Variants in GOLM1 observed in about 807,000 individuals in gnomAD.
The protein encoded by GOLM1 is golgi membrane protein 1.
A neutral mutation model predicts 50.5 loss-of-function variants in GOLM1; 31 were observed. The ratio of observed to expected loss-of-function variants is 0.61; its 90% CI spans 0.46 to 0.83. The LOEUF is 0.83. Among genes scored for constraint, GOLM1 ranks in the 40% least tolerant of loss-of-function variants. The probability of loss-of-function intolerance (pLI) is 0.00; values close to 1 mark genes in which losing one functional copy is unlikely to be tolerated. For synonymous variants in GOLM1, 178 were observed against 192.8 expected (o/e 0.92, Z 0.64); for missense variants, 491 against 501.3 (o/e 0.98, Z 0.20).
At chr9:86,085,175 CT>C (rs1231182649) in intron 1 of GOLM1, 3 of 152,170 alleles carry the variant, frequency 2.0e-5, no homozygotes, top group Admixed American at 1.3e-4. Context: ...AGAAAACAAA[CT>C]TTTTAATGCC....
At chr9:86,031,158 C>T (rs1327256901) in intron 9 of GOLM1, among the ~76,000 whole-genome samples, 3 of 151,518 alleles carry the variant, frequency 2.0e-5, no homozygotes, top group East Asian at 2.0e-4. Flanking sequence ...TGCAGTGAGC[C>T]GAGATCGCAC....
At chr9:86,031,752 C>A (rs1280200537) in intron 9 of GOLM1, among the ~76,000 whole-genome samples, 1 of 151,742 alleles carries the variant, frequency 6.6e-6, no homozygotes, top group African/African-American at 2.4e-5. Context: ...TTAGCCACCA[C>A]GCCCAGCTGA....
At chr9:86,053,146 C>CA (rs1833827427) in intron 3 of GOLM1, among the ~76,000 whole-genome samples, 1 of 137,812 alleles carries the variant, frequency 7.3e-6, no homozygotes. Flanking sequence ...AAACCACACA[C>CA]CACTCCACAC....
At chr9:86,053,711 A>ATG (rs1833893926) in intron 3 of GOLM1, among the ~76,000 whole-genome samples, 1 of 52,460 alleles carries the variant, frequency 1.9e-5, no homozygotes, top group Admixed American at 2.2e-4. Flanking sequence ...CACATACCCC[A>ATG]CCGCATCACA....
In GOLM1 at chr9:86,099,446, G is replaced by A. The variant is rs1332116803; in HGVS notation, c.-57C>T. 2 of 151,504 alleles carry A rather than the reference G, an allele frequency of 1.3e-5. No individual in the cohort carries two copies. Among genetic ancestry groups the A allele is most frequent in the South Asian group, 4.2e-4 (2 of 4,816 alleles). The allele number at this position is 151,504 out of a possible 1,614,324, so 9.4% of individuals were successfully genotyped here. A position where few individuals can be genotyped will look rare whatever the true frequency, so the allele number is the denominator to read the frequency against. The stretch of plus-strand genomic sequence containing the variant: ...GGCTCCGGCCGCCACTCGGGGATCC[G>A]GGGCCCCGCTACGAGGCCGCCCGGG... On this transcript the variant is annotated 5_prime_UTR_variant, in exon 1 of 10. Transcript: ENST00000388712.
intron 1 of GOLM1, among the ~76,000 whole-genome samples, chr9:86,092,808 CAG>C (rs1425738384): frequency 6.6e-6 from 1 of 152,204 alleles, no homozygotes; most frequent in Non-Finnish European, 1.5e-5. Context: ...AACTCACAGG[CAG>C]AGTTTATGGT....
chr9:86,079,374 T>C (rs930262170), intron 1 of GOLM1, 33 bp from the exon 2 acceptor site: 9 of 1,509,816 alleles, frequency 6.0e-6, no homozygotes, highest in Non-Finnish European at 8.1e-6. Context: ...TAAACATCAA[T>C]ACTAGTTTTA....
At chr9:86,045,186 A>G (rs1833496151) in intron 5 of GOLM1, among the ~76,000 whole-genome samples, 1 of 150,812 alleles carries the variant, frequency 6.6e-6, no homozygotes, top group South Asian at 2.1e-4. Context: ...CTGACCAATG[A>G]CAGGGTTTTA....
intron 3 of GOLM1, among the ~76,000 whole-genome samples, chr9:86,063,424 G>C (rs1834217336): frequency 6.6e-6 from 1 of 152,156 alleles, no homozygotes; most frequent in African/African-American, 2.4e-5. Context: ...TGTACATTCT[G>C]ACTTTCTGCA....
intron 6 of GOLM1, among the ~76,000 whole-genome samples, chr9:86,037,588 G>A (rs561442415): frequency 1.3e-5 from 2 of 152,200 alleles, no homozygotes; most frequent in East Asian, 1.9e-4. Flanking sequence ...TGTTCCTCAC[G>A]TGAGAAGCTT....
chr9:86,041,800 G>T (rs1289891053), intron 5 of GOLM1, among the ~76,000 whole-genome samples: 2 of 152,190 alleles, frequency 1.3e-5, no homozygotes, highest in African/African-American at 4.8e-5. Flanking sequence ...AACCTAGGGG[G>T]TCTGTGCTAA....
intron 4 of GOLM1, among the ~76,000 whole-genome samples, chr9:86,047,706 C>T (rs189746920): frequency 3.9e-5 from 6 of 152,260 alleles, no homozygotes; most frequent in Non-Finnish European, 7.4e-5. Context: ...ACTGAACACA[C>T]CCCACAATCC....
At chr9:86,029,567 A>C (rs1241709231) in intron 9 of GOLM1, among the ~76,000 whole-genome samples, 1 of 152,246 alleles carries the variant, frequency 6.6e-6, no homozygotes, top group Admixed American at 6.5e-5. Flanking sequence ...ACTATGGCAC[A>C]TTAAATGGTA....
intron 3 of GOLM1, among the ~76,000 whole-genome samples, chr9:86,064,779 G>C (rs1834259066): frequency 6.6e-6 from 1 of 152,236 alleles, no homozygotes; most frequent in African/African-American, 2.4e-5. Flanking sequence ...GTGGGGGACA[G>C]CGCTGCTGAC....
chr9:86,077,810 C>T lies in GOLM1; in HGVS notation c.130-219G>A, dbSNP rs1834664913. On this transcript the variant is annotated intron_variant, in intron 2 of 9. Transcript: ENST00000388712. ...AGTGTAAGTGAAGGAAGGCTCTGTG[C>T]ACTCACACCACACTTCCCACTGGGT... is the stretch of plus-strand genomic sequence containing the variant. 5.8e-6 allele frequency: 3 copies of T among 519,916 alleles called. No individual in the cohort carries two copies. In the South Asian group the frequency reaches 1.0e-4, roughly 18 times the overall value. The allele number at this position is 519,916 out of a possible 1,614,324, so 32.2% of individuals were successfully genotyped here. A position where few individuals can be genotyped will look rare whatever the true frequency, so the allele number is the denominator to read the frequency against.
chr9:86,055,302 G>A (rs903993457), intron 3 of GOLM1, among the ~76,000 whole-genome samples: 3 of 152,158 alleles, frequency 2.0e-5, no homozygotes, highest in African/African-American at 7.2e-5. Flanking sequence ...ATTTTGCGGG[G>A]AGAGAGACTA....
intron 3 of GOLM1, among the ~76,000 whole-genome samples, chr9:86,061,158 C>T (rs1174715092): frequency 6.6e-6 from 1 of 152,048 alleles, no homozygotes; most frequent in East Asian, 1.9e-4. Flanking sequence ...TTCATGTTTA[C>T]GGTTTTCTAC....
At position 86,037,944 on chromosome 9, in the gene GOLM1, C is replaced by T. The variant is rs149179755; in HGVS notation, c.598-1437G>A. On this transcript the variant is annotated intron_variant, in intron 6 of 9. Coordinates refer to ENST00000388712, the MANE Select transcript of GOLM1 (RefSeq NM_016548.4). The stretch of plus-strand genomic sequence containing the variant: ...CTGAGACGGGCTGATCACCTGAGGT[C>T]GGGAGTTCAAGACCAGCTTGACCAA... 1.7e-3 allele frequency among the ~76,000 whole-genome samples: 260 copies of T among 152,020 alleles called. 1 individual carries two copies. Among genetic ancestry groups the T allele is most frequent in the African/African-American group, 4.0e-3 (166 of 41,470 alleles).
intron 3 of GOLM1, among the ~76,000 whole-genome samples, chr9:86,074,097 G>A (rs140177051): frequency 1.6e-3 from 240 of 152,188 alleles, no homozygotes; most frequent in African/African-American, 5.6e-3. Context: ...TCTAGGTCAG[G>A]TGTCATTTGC....
Sources: gnomAD v4.1 joint callset for allele counts (sites outside exome capture counted in the v4.1 genomes callset) on GRCh38, gnomAD v4.1.1 for gene constraint, MANE v1.5 for transcripts, NCBI Gene and HGNC (gene_info 2026-07-23, HGNC 2026-07-21) for gene names.